MED27: variants seen among roughly 807,000 people sequenced by gnomAD.
MED27 encodes the protein mediator of RNA polymerase II transcription subunit 27.
A neutral mutation model predicts 38.2 loss-of-function variants in MED27; 30 were observed. The observed-to-expected ratio is 0.79, with a 90% CI of 0.59 to 1.07. The LOEUF is 1.07. Ranked by LOEUF, MED27 falls within the 50% of genes least tolerant of loss-of-function variation. The pLI is 0.00. For synonymous variants in MED27, 122 were observed against 153.5 expected (o/e 0.79, Z 1.52); for missense variants, 289 against 397.5 (o/e 0.73, Z 2.32).
intron 6 of MED27, among the ~76,000 whole-genome samples, chr9:131,863,969 G>A (rs1838694744): frequency 6.6e-6 from 1 of 152,186 alleles, no homozygotes; most frequent in South Asian, 2.1e-4. Context: ...CCTGGATCCA[G>A]CTCCTTATCC....
chr9:132,016,346 G>A (rs2131079497), intron 2 of MED27, among the ~76,000 whole-genome samples: 1 of 152,324 alleles, frequency 6.6e-6, no homozygotes, highest in Middle Eastern at 3.4e-3. Context: ...TCGATTTGCT[G>A]TGGGAGCCTT....
rs1413611527 is a variant in MED27 at position 131,997,536 on chromosome 9, A to AGCCAT, written c.479+16800_479+16801insATGGC. On this transcript the variant is annotated intron_variant, in intron 3 of 7. Transcript: ENST00000292035. This position sits in a 1 kb window ranked among gnomAD's most constrained non-coding sequence, Gnocchi z 4.0. The stretch of plus-strand genomic sequence containing the variant: ...TTGACCGAGGCGTTGCCAGCCCTGC[A>AGCCAT]CTGTAGGCTGCCATCTCCCCCAGCA... 1.3e-5 allele frequency among the ~76,000 whole-genome samples: 2 copies of AGCCAT among 152,206 alleles called. No homozygotes were observed. Among genetic ancestry groups the AGCCAT allele is most frequent in the Non-Finnish European group, 2.9e-5 (2 of 68,036 alleles).
At chr9:131,877,554 C>T (rs1041996928) in intron 6 of MED27, among the ~76,000 whole-genome samples, 3 of 152,128 alleles carry the variant, frequency 2.0e-5, no homozygotes, top group Non-Finnish European at 4.4e-5. Context: ...CTAGTCTGGG[C>T]GACAGAGTGG....
intron 4 of MED27, among the ~76,000 whole-genome samples, chr9:131,933,510 C>T (rs1053550132): frequency 1.3e-5 from 2 of 152,000 alleles, no homozygotes; most frequent in Admixed American, 1.3e-4. Context: ...AATAGCCACA[C>T]ATAAAATTAA....
chr9:132,064,064 A>G (rs1192039688), intron 2 of MED27, among the ~76,000 whole-genome samples: 2 of 152,256 alleles, frequency 1.3e-5, no homozygotes, highest in African/African-American at 4.8e-5. Flanking sequence ...AACTCAGGTG[A>G]TTCCAATTCT....
At chr9:131,946,098 G>A (rs565530468) in intron 3 of MED27, among the ~76,000 whole-genome samples, 15 of 152,016 alleles carry the variant, frequency 9.9e-5, no homozygotes, top group African/African-American at 3.6e-4. Context: ...TTTTCAGGCT[G>A]AATGGTATTC....
chr9:132,025,257 C>G (rs1020453397), intron 2 of MED27, among the ~76,000 whole-genome samples: 3 of 151,716 alleles, frequency 2.0e-5, no homozygotes, highest in Admixed American at 6.6e-5. Flanking sequence ...CTCCTCTCAC[C>G]GCAATCTCTG....
At chr9:131,971,553 A>T (rs2131014181) in intron 3 of MED27, among the ~76,000 whole-genome samples, 1 of 152,338 alleles carries the variant, frequency 6.6e-6, no homozygotes, top group South Asian at 2.1e-4. Context: ...TGCTTTATGT[A>T]GAGGCCAGAG....
chr9:132,049,310 C>T (rs971103610), intron 2 of MED27, among the ~76,000 whole-genome samples: 1 of 152,152 alleles, frequency 6.6e-6, no homozygotes, highest in South Asian at 2.1e-4. Flanking sequence ...CACATTCATA[C>T]AAGATACACA....
intron 5 of MED27, among the ~76,000 whole-genome samples, chr9:131,885,726 T>A (rs951142063): frequency 1.3e-5 from 2 of 152,230 alleles, no homozygotes; most frequent in South Asian, 4.1e-4. Context: ...AACAAATCAA[T>A]GCCTTCTGTT....
intron 2 of MED27, among the ~76,000 whole-genome samples, chr9:132,060,456 G>T (rs1833672815): frequency 1.3e-5 from 2 of 152,142 alleles, no homozygotes; most frequent in Admixed American, 6.5e-5. Context: ...TTGGACAAAT[G>T]TGCAGAGAGA....
At chr9:131,924,642 G>A (rs1830450774) in intron 4 of MED27, among the ~76,000 whole-genome samples, 1 of 152,058 alleles carries the variant, frequency 6.6e-6, no homozygotes, top group South Asian at 2.1e-4. Flanking sequence ...ATGTACTTGG[G>A]TCTATGTCTA....
intron 2 of MED27, among the ~76,000 whole-genome samples, chr9:132,049,226 T>A (rs1833409713): frequency 6.6e-6 from 1 of 152,164 alleles, no homozygotes; most frequent in Non-Finnish European, 1.5e-5. Context: ...ATCAGAAAAC[T>A]TCAACCTCAG....
In MED27 at chr9:131,939,770, C is replaced by T. The variant is rs564591579; in HGVS notation, c.480-296G>A. ...CACTGGACTCCAACAACATGGCCCC[C>T]TCCCTTTGTCCTTCCAGTCCAGGAT... On this transcript the variant is annotated intron_variant, in intron 3 of 7. Coordinates refer to ENST00000292035, the MANE Select transcript of MED27 (RefSeq NM_004269.4). Among the ~76,000 whole-genome samples the T allele has an allele frequency of 1.5e-3, 226 of 152,312 alleles. 1 individual carries two copies. Among genetic ancestry groups the T allele is most frequent in the African/African-American group, 5.3e-3 (220 of 41,566 alleles).
intron 3 of MED27, among the ~76,000 whole-genome samples, chr9:132,005,590 G>A (rs776697868): frequency 3.3e-5 from 5 of 152,278 alleles, no homozygotes; most frequent in East Asian, 1.9e-4. Context: ...AAAACTGGCC[G>A]AAATTGGGAT....
intron 3 of MED27, among the ~76,000 whole-genome samples, chr9:131,984,194 C>T (rs1831801350): frequency 6.6e-6 from 1 of 152,206 alleles, no homozygotes; most frequent in African/African-American, 2.4e-5. Context: ...GCCCACCTCC[C>T]ACAGGCCCAG....
intron 3 of MED27, among the ~76,000 whole-genome samples, chr9:131,969,694 C>T (rs1040504352): frequency 1.3e-5 from 2 of 151,990 alleles, no homozygotes; most frequent in African/African-American, 4.8e-5. Flanking sequence ...GGGTGATGTG[C>T]GCCACACACA....
intron 2 of MED27, among the ~76,000 whole-genome samples, chr9:132,038,394 G>A (rs960505611): frequency 3.2e-4 from 49 of 151,228 alleles, no homozygotes; most frequent in East Asian, 2.9e-3. Flanking sequence ...GGGTTTCACC[G>A]TTTTAGCCGG....
chr9:131,971,274 C>T (rs548042165), intron 3 of MED27, among the ~76,000 whole-genome samples: 1 of 152,266 alleles, frequency 6.6e-6, no homozygotes, highest in Admixed American at 6.5e-5. Flanking sequence ...GAGAGCACAG[C>T]TGGCAGAAGG....
Sources: gnomAD v4.1 joint callset for allele counts (sites outside exome capture counted in the v4.1 genomes callset) on GRCh38, gnomAD v4.1.1 for gene constraint, Gnocchi (gnomAD v3.1) non-coding constraint, MANE v1.5 for transcripts, NCBI Gene and HGNC (gene_info 2026-07-23, HGNC 2026-07-21) for gene names.